The following PREX2 variants were observed in gnomAD, a reference collection of about 807,000 sequenced individuals.
PREX2 encodes phosphatidylinositol-3,4,5-trisphosphate dependent Rac exchange factor 2.
A neutral mutation model predicts 203.2 loss-of-function variants in PREX2; 107 were observed. The ratio of observed to expected loss-of-function variants is 0.53; its 90% CI spans 0.45 to 0.62. PREX2 has a LOEUF of 0.62. Ranked by LOEUF, PREX2 falls within the 20% of genes least tolerant of loss-of-function variation. The pLI is 0.00. For missense variants in PREX2, 1,777 were observed against 1,955.9 expected, an observed-to-expected ratio of 0.91 and a Z score of 1.72; for synonymous variants, 672 against 663.6, an observed-to-expected ratio of 1.01 and a Z score of -0.19.
intron 13 of PREX2, 101 bp downstream of exon 13, chr8:68,069,985 T>C: frequency 1.7e-6 from 1 of 589,800 alleles, no homozygotes; most frequent in Non-Finnish European, 3.0e-6. Flanking sequence ...TATTTTGTTT[T>C]TTTTCACTTT....
At chr8:68,117,901 C>T (rs1585807904) in intron 26 of PREX2, among the ~76,000 whole-genome samples, 1 of 152,102 alleles carries the variant, frequency 6.6e-6, no homozygotes, top group Non-Finnish European at 1.5e-5. Flanking sequence ...TATTTTGTCT[C>T]TATTAGCAAG....
chr8:68,049,630 T>G (rs1024785621), intron 8 of PREX2, among the ~76,000 whole-genome samples: 2 of 152,142 alleles, frequency 1.3e-5, no homozygotes, highest in Non-Finnish European at 2.9e-5. Flanking sequence ...GACTAAAGAC[T>G]GTTGAATTTG....
At chr8:68,037,304 T>C (rs572908172) in intron 6 of PREX2, among the ~76,000 whole-genome samples, 1 of 152,336 alleles carries the variant, frequency 6.6e-6, no homozygotes, top group East Asian at 1.9e-4. Flanking sequence ...AACGTCCTTT[T>C]TCATTTTTTT....
chr8:68,044,834 G>A (rs1173675101), intron 8 of PREX2, among the ~76,000 whole-genome samples: 3 of 152,060 alleles, frequency 2.0e-5, no homozygotes, highest in South Asian at 2.1e-4. Context: ...AGAAATAGCC[G>A]AGTAGTGTCC....
chr8:68,151,042 G>C (rs570767715), intron 34 of PREX2, among the ~76,000 whole-genome samples: 1 of 152,160 alleles, frequency 6.6e-6, no homozygotes, highest in Admixed American at 6.5e-5. Context: ...TCTTCTTATA[G>C]GGGCACCAAT....
chr8:67,985,803 AGG>A (rs1806401104), intron 1 of PREX2, among the ~76,000 whole-genome samples: 1 of 152,146 alleles, frequency 6.6e-6, no homozygotes, highest in South Asian at 2.1e-4. Context: ...GGCTGGTCCT[AGG>A]GGCAACTGTT....
intron 13 of PREX2, among the ~76,000 whole-genome samples, chr8:68,071,246 AT>A (rs1809186469): frequency 6.6e-6 from 1 of 152,172 alleles, no homozygotes. Context: ...TCAAGAGAGA[AT>A]TTATGGGAAA....
At chr8:68,055,309 C>A (rs1450848297) in intron 9 of PREX2, among the ~76,000 whole-genome samples, 3 of 152,196 alleles carry the variant, frequency 2.0e-5, no homozygotes, top group African/African-American at 7.2e-5. Flanking sequence ...GGCTCCGGGC[C>A]TCCAAGTTGC....
intron 10 of PREX2, among the ~76,000 whole-genome samples, chr8:68,060,158 G>A (rs1454444514): frequency 6.6e-6 from 1 of 152,202 alleles, no homozygotes; most frequent in Non-Finnish European, 1.5e-5. Context: ...GAAGATTTCT[G>A]TAGAATCCTA....
rs775739637 is a variant in PREX2, at chr8:68,069,106, A to C, written c.1413A>C (p.Pro471=). The C allele has an allele frequency of 1.2e-5, 19 of 1,573,602 alleles. No homozygotes were observed. The highest frequency in any genetic ancestry group is 3.8e-5 in the Admixed American group (2 of 52,272). ...RFRYDDGTFY[P]RNEMQDVISK... The stretch of plus-strand genomic sequence containing the variant: ...GCTATGATGATGGAACATTTTATCC[A>C]AGAAATGAGATGCAGGACGTGATTT... The change falls in exon 12 of 40, where the codon CCA becomes CCC. Residue 471 remains proline (P), a synonymous_variant. Coordinates refer to ENST00000288368, the MANE Select transcript of PREX2 (RefSeq NM_024870.4).
At chr8:68,050,272 C>T (rs1287076087) in intron 8 of PREX2, among the ~76,000 whole-genome samples, 3 of 152,050 alleles carry the variant, frequency 2.0e-5, no homozygotes, top group African/African-American at 4.8e-5. Flanking sequence ...CTACCCGAGA[C>T]TGGGTAATTT....
chr8:68,060,747 A>G lies in PREX2; in HGVS notation c.1307A>G (p.Gln436Arg). Residue 436 changes from glutamine (Q) to arginine (R), a missense_variant, in exon 11 of 40, where the codon CAA becomes CGA. Transcript: ENST00000288368. Reference protein sequence around the residue: ...HRPEEGVHLGQALLENGIIHH... With the variant: ...HRPEEGVHLGRALLENGIIHH... The stretch of plus-strand genomic sequence containing the variant: ...CCTGAGGAAGGCGTGCACTTGGGAC[A>G]AGCATTATTAGAAAATGGAATCATT... 6 of 1,611,506 alleles carry G rather than the reference A, an allele frequency of 3.7e-6. No individual in the cohort carries two copies. The highest frequency in any genetic ancestry group is 5.1e-6 in the Non-Finnish European group (6 of 1,178,710).
Position 67,952,167 on chromosome 8 carries a change from C to G in PREX2, c.-228C>G, listed in dbSNP as rs889409152. 2.5e-5 allele frequency: 9 copies of G among 365,072 alleles called. No homozygotes were observed. The East Asian group carries it at 3.6e-4, about 15-fold the overall frequency. 22.6% of individuals were successfully genotyped at this position (365,072 alleles called of 1,614,324 possible). On this transcript the variant is annotated 5_prime_UTR_variant, in exon 1 of 40. Coordinates refer to ENST00000288368, the MANE Select transcript of PREX2 (RefSeq NM_024870.4). ...CAGGGCCTGGCCGGAGCCCCCACTCCCAGGAGTTTCCTCTGCAGAGCCCCG... is the reference window on the plus strand; with the variant it reads ...CAGGGCCTGGCCGGAGCCCCCACTCGCAGGAGTTTCCTCTGCAGAGCCCCG...
intron 37 of PREX2, among the ~76,000 whole-genome samples, chr8:68,194,771 A>C (rs1429017881): frequency 6.7e-6 from 1 of 150,332 alleles, no homozygotes; most frequent in East Asian, 2.0e-4. Flanking sequence ...ACTGCACTCC[A>C]GCCTGGGCAA....
At position 68,120,205 on chromosome 8, in the gene PREX2, A is replaced by G; in HGVS notation, c.3514A>G (p.Ile1172Val). Residue 1172 changes from isoleucine to valine, a missense_variant, in exon 29 of 40, where the codon ATT (isoleucine) becomes GTT (valine). Transcript: ENST00000288368. ...TCTCTACTATTGATAGGTGGATTCA[A>G]TTACCAATCTCCTAAAAGGGCAGGC... The part of the protein sequence containing the change: ...LEHLFSQVDS[I>V]TNLLKGQAVV... The G allele has an allele frequency of 1.2e-6, 2 of 1,610,290 alleles. No individual in the cohort carries two copies. Among genetic ancestry groups the G allele is most frequent in the Non-Finnish European group, 1.7e-6 (2 of 1,176,538 alleles).
At chr8:68,103,861 A>G (rs1053703851) in intron 23 of PREX2, among the ~76,000 whole-genome samples, 4 of 152,054 alleles carry the variant, frequency 2.6e-5, no homozygotes, top group African/African-American at 9.7e-5. Flanking sequence ...GTAAAGCTCC[A>G]GGACTCAGGA....
chr8:68,086,390 A>G (rs969905773), intron 18 of PREX2, among the ~76,000 whole-genome samples: 1 of 152,134 alleles, frequency 6.6e-6, no homozygotes, highest in Non-Finnish European at 1.5e-5. Context: ...GCAATTTCAT[A>G]AACTGCAGAT....
At chr8:68,083,075 G>A (rs564011573) in intron 17 of PREX2, among the ~76,000 whole-genome samples, 165 bp from the exon 18 acceptor site, 25 of 152,294 alleles carry the variant, frequency 1.6e-4, no homozygotes, top group African/African-American at 5.8e-4. Context: ...AATGATAACT[G>A]TGTTATCTAC....
intron 33 of PREX2, among the ~76,000 whole-genome samples, chr8:68,145,480 G>C (rs1274138922): frequency 6.6e-6 from 1 of 152,080 alleles, no homozygotes; most frequent in Admixed American, 6.6e-5. Context: ...ACATTTGTTT[G>C]TCCTTAATTT....
Sources: allele counts gnomAD v4.1 joint callset (sites outside exome capture counted in the v4.1 genomes callset), GRCh38; gene constraint gnomAD v4.1.1; transcripts MANE v1.5; gene names NCBI Gene and HGNC (gene_info 2026-07-23, HGNC 2026-07-21).